Variants in ABCB1 observed in about 807,000 individuals in gnomAD.
ABCB1 encodes ATP binding cassette subfamily B member 1.
ABCB1 carries 69 observed loss-of-function variants against 142.0 expected under a neutral mutation model. That is an observed-to-expected ratio of 0.49 (90% CI 0.40 to 0.59). ABCB1 has a LOEUF of 0.59. Ranked by LOEUF, ABCB1 falls within the 20% of genes least tolerant of loss-of-function variation. The probability of loss-of-function intolerance (pLI) is 0.00; values close to 1 mark genes in which losing one functional copy is unlikely to be tolerated. For missense variants in ABCB1, 1,326 were observed against 1,554.7 expected (o/e 0.85, Z 2.47); for synonymous variants, 532 against 539.2 (o/e 0.99, Z 0.18).
chr7:87,553,371 G>T (rs918322171), intron 9 of ABCB1, among the ~76,000 whole-genome samples: 19 of 143,368 alleles, frequency 1.3e-4, no homozygotes, highest in African/African-American at 4.5e-4. Context: ...CCCAGGCTGC[G>T]GTGCAGTGGC....
At chr7:87,534,520 T>C (rs1469655882) in intron 20 of ABCB1, among the ~76,000 whole-genome samples, 1 of 152,116 alleles carries the variant, frequency 6.6e-6, no homozygotes, top group Non-Finnish European at 1.5e-5. Flanking sequence ...GACATCTACA[T>C]ATGGATGTCT....
chr7:87,565,449 T>C (rs924221736), intron 7 of ABCB1: 1 of 455,212 alleles, frequency 2.2e-6, no homozygotes, highest in African/African-American at 2.0e-5. Flanking sequence ...GAGGGCCACT[T>C]CTACCTCTCT....
chr7:87,605,050 T>G (rs41296642), upstream of ABCB1, among the ~76,000 whole-genome samples: 777 of 152,304 alleles, frequency 5.1e-3, 4 homozygotes, highest in African/African-American at 0.017. Context: ...AGAGGCAGAT[T>G]TATGGAAATT....
At chr7:87,646,157 G>C (rs1822976819) in intron 1 of ABCB1, among the ~76,000 whole-genome samples, 1 of 152,166 alleles carries the variant, frequency 6.6e-6, no homozygotes. Flanking sequence ...TTATGACACA[G>C]ATAGTATCTT....
At chr7:87,626,199 TGTCATATATATG>T (rs1820482206) in intron 1 of ABCB1, among the ~76,000 whole-genome samples, 3 of 14,292 alleles carry the variant, frequency 2.1e-4, no homozygotes, top group South Asian at 2.5e-3. Context: ...GTCATATATA[TGTCATATATATG>T]TGTCATATAT....
chr7:87,673,739 C>T (rs541691222), intron 1 of ABCB1, among the ~76,000 whole-genome samples: 2 of 152,274 alleles, frequency 1.3e-5, no homozygotes, highest in South Asian at 2.1e-4. Context: ...TGGTTAAGAA[C>T]CATTGCTGGG....
chr7:87,611,476 T>C lies in ABCB1; in HGVS notation c.-330-10398A>G, dbSNP rs148978133. ...CTTACAAATAAGAACATGTGATATT[T>C]GATTTTCTTTTTCTGCATTAATTTG... On this transcript the variant is annotated intron_variant, in intron 1 of 28. Transcript: ENST00000265724. Among the ~76,000 whole-genome samples, 574 of 152,292 alleles carry C rather than the reference T, an allele frequency of 3.8e-3. 5 individuals are homozygous for C. The highest frequency in any genetic ancestry group is 0.013 in the African/African-American group (551 of 41,556).
chr7:87,506,215 G>T, intron 26 of ABCB1, 172 bp from the exon 27 acceptor site: 1 of 634,572 alleles, frequency 1.6e-6, no homozygotes, highest in Non-Finnish European at 2.7e-6. Context: ...AAAATGGCAG[G>T]TTTACTATCT....
intron 1 of ABCB1, among the ~76,000 whole-genome samples, chr7:87,657,059 TC>T (rs1398585518): frequency 6.6e-6 from 1 of 152,090 alleles, no homozygotes; most frequent in Non-Finnish European, 1.5e-5. Context: ...TGACATACTT[TC>T]CCCTATTTCT....
At chr7:87,712,014 G>A (rs1183119485) in intron 1 of ABCB1, among the ~76,000 whole-genome samples, 4 of 152,042 alleles carry the variant, frequency 2.6e-5, no homozygotes, top group African/African-American at 9.7e-5. Context: ...GAGAAAATCT[G>A]GGCATTTATT....
At chr7:87,528,502 GA>G (rs997561725) in intron 21 of ABCB1, among the ~76,000 whole-genome samples, 1 of 151,828 alleles carries the variant, frequency 6.6e-6, no homozygotes, top group African/African-American at 2.4e-5. Flanking sequence ...TACATTTATT[GA>G]AAAAAACCTA....
intron 1 of ABCB1, among the ~76,000 whole-genome samples, chr7:87,627,026 A>G (rs1265776533): frequency 6.6e-6 from 1 of 152,118 alleles, no homozygotes; most frequent in Admixed American, 6.5e-5. Context: ...CGCCCGCCTC[A>G]GCCTCCCAAA....
intron 1 of ABCB1, among the ~76,000 whole-genome samples, chr7:87,608,867 A>G (rs1223101885): frequency 6.6e-6 from 1 of 152,186 alleles, no homozygotes; most frequent in African/African-American, 2.4e-5. Flanking sequence ...ACCAATGAAC[A>G]GTTGGTTAGA....
At chr7:87,527,546 A>G (rs1431973334) in intron 21 of ABCB1, among the ~76,000 whole-genome samples, 3 of 152,154 alleles carry the variant, frequency 2.0e-5, no homozygotes, top group East Asian at 1.9e-4. Flanking sequence ...CTGTAATGTC[A>G]TGACTTTTCT....
At chr7:87,658,768 C>T (rs1054064698) in intron 1 of ABCB1, among the ~76,000 whole-genome samples, 3 of 152,126 alleles carry the variant, frequency 2.0e-5, no homozygotes, top group African/African-American at 7.2e-5. Flanking sequence ...CAGAATTATT[C>T]TTCAGCAATG....
intron 1 of ABCB1, among the ~76,000 whole-genome samples, chr7:87,628,049 G>A (rs1171660097): frequency 6.6e-6 from 1 of 152,224 alleles, no homozygotes; most frequent in African/African-American, 2.4e-5. Flanking sequence ...CCGGCGCGCT[G>A]CTTTCTAGGC....
intron 4 of ABCB1, among the ~76,000 whole-genome samples, chr7:87,577,916 T>A (rs1243133762): frequency 6.6e-6 from 1 of 152,216 alleles, no homozygotes; most frequent in Non-Finnish European, 1.5e-5. Context: ...AGAAGGTTTT[T>A]AACTTGATGT....
At chr7:87,565,949 A>C (rs891547305) in intron 7 of ABCB1, 121 bp downstream of exon 7, 9 of 1,166,442 alleles carry the variant, frequency 7.7e-6, no homozygotes, top group Non-Finnish European at 1.1e-5. Flanking sequence ...TTTTGAACAG[A>C]AAACGTAAAA....
At chr7:87,593,629 C>G (rs746576160) in intron 3 of ABCB1, among the ~76,000 whole-genome samples, 34 of 152,354 alleles carry the variant, frequency 2.2e-4, no homozygotes, top group Middle Eastern at 6.8e-3. Flanking sequence ...ATTCTTCATT[C>G]TGCAGTTCTG....
Sources: allele counts gnomAD v4.1 joint callset (sites outside exome capture counted in the v4.1 genomes callset), GRCh38; gene constraint gnomAD v4.1.1; transcripts MANE v1.5; gene names NCBI Gene and HGNC (gene_info 2026-07-23, HGNC 2026-07-21).